Variants in THSD7B observed in about 807,000 individuals in gnomAD.
THSD7B encodes thrombospondin type-1 domain-containing protein 7B.
A neutral mutation model predicts 213.6 loss-of-function variants in THSD7B; 138 were observed. The ratio of observed to expected loss-of-function variants is 0.65; its 90% CI spans 0.56 to 0.74. THSD7B has a LOEUF of 0.74. Ranked by LOEUF, THSD7B falls within the 30% of genes least tolerant of loss-of-function variation. The pLI is 0.00. For missense variants in THSD7B, 1,931 were observed against 1,991.5 expected (o/e 0.97, Z 0.58); for synonymous variants, 742 against 687.0 (o/e 1.08, Z -1.25).
At chr2:137,026,580 G>A (rs1686560052) in intron 2 of THSD7B, among the ~76,000 whole-genome samples, 1 of 152,046 alleles carries the variant, frequency 6.6e-6, no homozygotes, top group African/African-American at 2.4e-5. Flanking sequence ...TCCATTCAAT[G>A]TTGTGTGTCT....
chr2:137,287,856 C>T (rs535875063), intron 12 of THSD7B, among the ~76,000 whole-genome samples: 31 of 152,186 alleles, frequency 2.0e-4, no homozygotes, highest in African/African-American at 5.5e-4. Context: ...TCTAGCTACA[C>T]GGTTCTCAGT....
chr2:136,810,579 G>A (rs1682358446), intron 1 of THSD7B, among the ~76,000 whole-genome samples: 1 of 152,192 alleles, frequency 6.6e-6, no homozygotes, highest in Non-Finnish European at 1.5e-5. Context: ...TCTTAATCAA[G>A]CTGGTTGTTG....
chr2:136,819,896 A>G (rs1053628916), intron 1 of THSD7B, among the ~76,000 whole-genome samples: 2 of 152,082 alleles, frequency 1.3e-5, no homozygotes, highest in African/African-American at 4.8e-5. Context: ...TTTCTTAAAC[A>G]TACTAGGCAC....
At chr2:137,565,548 T>A (rs1325404135) in intron 16 of THSD7B, among the ~76,000 whole-genome samples, 1 of 152,134 alleles carries the variant, frequency 6.6e-6, no homozygotes, top group Non-Finnish European at 1.5e-5. Context: ...AAGACTCAAT[T>A]GCATCTTAAA....
intron 12 of THSD7B, among the ~76,000 whole-genome samples, chr2:137,328,128 T>C (rs150223850): frequency 5.3e-5 from 8 of 152,348 alleles, no homozygotes; most frequent in South Asian, 2.1e-4. Flanking sequence ...TGACATCTTA[T>C]ACTTAGATAA....
At chr2:137,410,076 G>C (rs1686618171) in intron 13 of THSD7B, among the ~76,000 whole-genome samples, 1 of 152,126 alleles carries the variant, frequency 6.6e-6, no homozygotes. Flanking sequence ...TCTTGAACCT[G>C]CTAAATGCTA....
rs535923337 is a variant in THSD7B, at chr2:136,864,445, G to A, written c.-35-17699G>A. Among the ~76,000 whole-genome samples the A allele has an allele frequency of 9.9e-5, 15 of 152,250 alleles. No homozygotes were observed. The South Asian group carries it at 3.1e-3, about 32-fold the overall frequency. On this transcript the variant is annotated intron_variant, in intron 1 of 27. Coordinates refer to ENST00000409968, the MANE Select transcript of THSD7B (RefSeq NM_001316349.2). ...AATACAACGAACATTTTTAGTATAT[G>A]TCTTCCAAAAATTTAATGTATGTAT...
intron 3 of THSD7B, among the ~76,000 whole-genome samples, chr2:137,064,912 TGTAGTATAACTTGAA>T (rs1687347630): frequency 6.6e-6 from 1 of 152,112 alleles, no homozygotes; most frequent in Non-Finnish European, 1.5e-5. Context: ...ACTGTAGTTC[TGTAGTATAACTTGAA>T]GTCAGGTAAT....
In THSD7B at chr2:137,424,216, A is replaced by T. The variant is rs528596399; in HGVS notation, c.2959+12344A>T. Among the ~76,000 whole-genome samples the T allele has an allele frequency of 2.0e-5, 3 of 152,278 alleles. No individual in the cohort carries two copies. The South Asian group carries it at 6.2e-4, about 32-fold the overall frequency. Reference sequence around the variant, plus strand: ...TAAAATTATAAAAAAATTATAAAAAAACTTAAAAGCATATCTTCTAGACTT... The same window carrying T: ...TAAAATTATAAAAAAATTATAAAAATACTTAAAAGCATATCTTCTAGACTT... On this transcript the variant is annotated intron_variant, in intron 14 of 27. Transcript: ENST00000409968.
rs577438304 is a variant in THSD7B at position 137,412,375 on chromosome 2, C to T, written c.2959+503C>T. Among the ~76,000 whole-genome samples the T allele has an allele frequency of 2.4e-3, 370 of 151,834 alleles. 1 individual carries two copies. Among genetic ancestry groups the T allele is most frequent in the Non-Finnish European group, 4.0e-3 (274 of 67,916 alleles). Reference sequence around the variant, plus strand: ...CAGCACTTTGAGAGGCCGAGGCAGGCGGATCACCTGAGGTCAGGAGTTTAA... The same window carrying T: ...CAGCACTTTGAGAGGCCGAGGCAGGTGGATCACCTGAGGTCAGGAGTTTAA... On this transcript the variant is annotated intron_variant, in intron 14 of 27. Coordinates refer to ENST00000409968, the MANE Select transcript of THSD7B (RefSeq NM_001316349.2).
In THSD7B at chr2:137,656,947, T is replaced by G. The variant is rs768717935; in HGVS notation, c.4257T>G (p.Val1419=). Residue 1419 remains valine (V), a synonymous_variant, in exon 23 of 28, where the codon GTT becomes GTG. Transcript: ENST00000409968. ...ACCAAGACAGCTGCCCCCAACAGGT[T>G]CTAGAAACACGCCCTTGTACAGGTA... ...FENQDSCPQQ[V]LETRPCTGGK... 10 of 1,614,042 alleles carry G rather than the reference T, an allele frequency of 6.2e-6. No individual in the cohort carries two copies. The South Asian group carries it at 8.8e-5, about 14-fold the overall frequency.
chr2:137,315,873 T>G (rs1684086897), intron 12 of THSD7B, among the ~76,000 whole-genome samples: 1 of 152,218 alleles, frequency 6.6e-6, no homozygotes, highest in Admixed American at 6.5e-5. Flanking sequence ...TCTTCACACA[T>G]TAGTAATTCC....
At chr2:137,427,427 T>A (rs1048676487) in intron 14 of THSD7B, among the ~76,000 whole-genome samples, 1 of 152,020 alleles carries the variant, frequency 6.6e-6, no homozygotes, top group Non-Finnish European at 1.5e-5. Flanking sequence ...GATGAATGGA[T>A]ACAATAAATA....
chr2:136,872,436 C>T lies in THSD7B; in HGVS notation c.-35-9708C>T, dbSNP rs928584297. ...ATTGGATAAGGGAACTCTCCATACC[C>T]TTGATACTTCTGCCTCCTAATCTTT... On this transcript the variant is annotated intron_variant, in intron 1 of 27. Transcript: ENST00000409968. 3.3e-5 allele frequency among the ~76,000 whole-genome samples: 5 copies of T among 152,184 alleles called. No individual in the cohort carries two copies. The East Asian group carries it at 9.7e-4, about 29-fold the overall frequency.
chr2:136,893,524 A>G (rs1388304978), intron 2 of THSD7B, among the ~76,000 whole-genome samples: 2 of 152,216 alleles, frequency 1.3e-5, no homozygotes, highest in African/African-American at 4.8e-5. Flanking sequence ...CAAGTCAGAC[A>G]TATCAGAGTG....
chr2:137,253,264 C>T (rs192601187), intron 10 of THSD7B, among the ~76,000 whole-genome samples: 1 of 151,900 alleles, frequency 6.6e-6, no homozygotes, highest in East Asian at 1.9e-4. Context: ...ACCAACATAC[C>T]AAAGAAAACA....
At chr2:136,808,673 C>T (rs973103271) in intron 1 of THSD7B, among the ~76,000 whole-genome samples, 10 of 152,310 alleles carry the variant, frequency 6.6e-5, no homozygotes, top group African/African-American at 2.4e-4. Context: ...ACTCCACATC[C>T]TCATTAGCAC....
chr2:137,513,494 A>G (rs898018721), intron 15 of THSD7B, among the ~76,000 whole-genome samples: 1 of 152,200 alleles, frequency 6.6e-6, no homozygotes, highest in Non-Finnish European at 1.5e-5. Context: ...CTATTCTCCA[A>G]ATACTGCAAA....
intron 14 of THSD7B, among the ~76,000 whole-genome samples, chr2:137,433,417 C>T (rs1021536687): frequency 4.6e-5 from 7 of 151,462 alleles, no homozygotes; most frequent in African/African-American, 1.5e-4. Flanking sequence ...AGTGCAGTGG[C>T]GTGATCTCTG....
Sources: gnomAD v4.1 joint callset for allele counts (sites outside exome capture counted in the v4.1 genomes callset) on GRCh38, gnomAD v4.1.1 for gene constraint, MANE v1.5 for transcripts, NCBI Gene and HGNC (gene_info 2026-07-23, HGNC 2026-07-21) for gene names.